The following DDX11 variants were observed in gnomAD, a reference collection of about 807,000 sequenced individuals.
DDX11 encodes the protein DEAD/H-box helicase 11, also known as ATP-dependent DNA helicase DDX11.
DDX11 carries 72 observed loss-of-function variants against 125.2 expected under a neutral mutation model. The ratio of observed to expected loss-of-function variants is 0.58; its 90% CI spans 0.48 to 0.70. The LOEUF (loss-of-function observed/expected upper bound fraction) is 0.70, where lower values mean the gene tolerates loss of function less well. DDX11 is among the 30% of genes least tolerant of loss of function. The probability of loss-of-function intolerance (pLI) is 0.00; values close to 1 mark genes in which losing one functional copy is unlikely to be tolerated. For synonymous variants in DDX11, 347 were observed against 452.6 expected (o/e 0.77, Z 2.96); for missense variants, 883 against 1,165.0 (o/e 0.76, Z 3.52).
chr12:31,095,129 C>T (rs1351685307), intron 14 of DDX11, among the ~76,000 whole-genome samples: 5 of 152,130 alleles, frequency 3.3e-5, no homozygotes, highest in African/African-American at 7.2e-5. Context: ...AGGAATAGGA[C>T]GTTGATTTGT....
intron 5 of DDX11, 21 bp downstream of exon 5, chr12:31,085,147 C>G: frequency 6.4e-7 from 1 of 1,551,562 alleles, no homozygotes; most frequent in African/African-American, 1.4e-5. Context: ...GGCGGTAGCA[C>G]TACCCTGCCC....
intron 6 of DDX11, 43 bp downstream of exon 6, chr12:31,088,026 G>A (rs7309189): frequency 0.48 from 770,315 of 1,599,730 alleles, 192,711 homozygotes; most frequent in East Asian, 0.84. Context: ...GGGGGTATAG[G>A]CTGGGCTGTG....
intron 2 of DDX11, 37 bp downstream of exon 2, chr12:31,078,574 C>G: frequency 1.2e-6 from 2 of 1,611,798 alleles, no homozygotes; most frequent in Non-Finnish European, 1.7e-6. Context: ...AAAAGGACAA[C>G]TTAACAGCAG....
At chr12:31,095,178 G>C (rs1945003477) in intron 14 of DDX11, among the ~76,000 whole-genome samples, 1 of 152,202 alleles carries the variant, frequency 6.6e-6, no homozygotes, top group Non-Finnish European at 1.5e-5. Context: ...CTTGGGCCTT[G>C]GGTCTGGTTG....
At chr12:31,086,016 T>G (rs548274856) in intron 5 of DDX11, 8 of 453,622 alleles carry the variant, frequency 1.8e-5, no homozygotes, top group South Asian at 1.1e-4. Context: ...CTTCACAGTC[T>G]GTCTGCAGGG....
chr12:31,096,233 AC>A, intron 14 of DDX11, 107 bp from the exon 15 acceptor site: 1 of 1,379,524 alleles, frequency 7.2e-7, no homozygotes, highest in African/African-American at 1.5e-5. Flanking sequence ...AGAAGGTAGC[AC>A]TGCGTTGTGC....
chr12:31,103,252 G>A, intron 24 of DDX11, 65 bp from the exon 25 acceptor site: 2 of 1,576,502 alleles, frequency 1.3e-6, no homozygotes, highest in Non-Finnish European at 1.7e-6. Context: ...AGCCTGGCAG[G>A]GTCTTTTCCC....
At chr12:31,086,403 C>T (rs559180884) in intron 5 of DDX11, among the ~76,000 whole-genome samples, 304 of 152,102 alleles carry the variant, frequency 2.0e-3, no homozygotes, top group African/African-American at 6.9e-3. Flanking sequence ...ATCGAGTTGA[C>T]ATGAATGAGC....
Position 31,098,009 on chromosome 12 carries a change from T to C in DDX11, c.1875+12T>C. ...GTACCATGCAGCCGGTAAGGACACCTTTCCCAGCCCCTCGTGCCCCAGGTG... is the reference window on the plus strand; with the variant it reads ...GTACCATGCAGCCGGTAAGGACACCCTTCCCAGCCCCTCGTGCCCCAGGTG... On this transcript the variant is annotated intron_variant, in intron 18 of 26. Transcript: ENST00000542838. 2 of 1,609,034 alleles carry C rather than the reference T, an allele frequency of 1.2e-6. No homozygotes were observed. Among genetic ancestry groups the C allele is most frequent in the South Asian group, 1.1e-5 (1 of 91,022 alleles).
At position 31,085,065 on chromosome 12, in the gene DDX11, G is replaced by A; in HGVS notation, c.577G>A (p.Gly193Arg). ...EAERLEQLES[G>R]EEELVLAEYE... ...TGAGCGGCTGGAGCAGCTGGAGTCT[G>A]GGGAGGAGGAGCTGGTCCTCGCCGA... is the stretch of plus-strand genomic sequence containing the variant. Residue 193 changes from glycine to arginine, a missense_variant, in exon 5 of 27, where the codon GGG (glycine) becomes AGG (arginine). This residue lies in a region of DDX11 where 283 missense variants were observed against 359.6 expected (regional missense o/e 0.79). Coordinates refer to ENST00000542838, the MANE Select transcript of DDX11 (RefSeq NM_030653.4). The A allele has an allele frequency of 6.2e-7, 1 of 1,605,202 alleles. No individual in the cohort carries two copies. The highest frequency in any genetic ancestry group is 8.5e-7 in the Non-Finnish European group (1 of 1,175,582).
At chr12:31,098,406 A>C (rs1231365235) in intron 18 of DDX11, among the ~76,000 whole-genome samples, 4 of 151,316 alleles carry the variant, frequency 2.6e-5, no homozygotes, top group Admixed American at 1.3e-4. Context: ...ATGTGCTGTC[A>C]CTGGAACTTG....
At chr12:31,089,559 A>T (rs1943808663) in intron 8 of DDX11, 69 bp downstream of exon 8, 11 of 1,492,210 alleles carry the variant, frequency 7.4e-6, no homozygotes, top group Non-Finnish European at 1.0e-5. Flanking sequence ...GCAGTGACTG[A>T]AGACCATTAA....
intron 12 of DDX11, 29 bp downstream of exon 12, chr12:31,093,353 G>T (rs370481870): frequency 3.7e-5 from 59 of 1,613,456 alleles, no homozygotes; most frequent in Non-Finnish European, 4.6e-5. Flanking sequence ...TGCTGACCCC[G>T]GGCCTGCAAA....
rs779379970 is a variant in DDX11, at chr12:31,103,384, A to G, written c.2525A>G (p.Asn842Ser). ...GAGAACCTGTGCATGAAGGCCGTCA[A>G]CCAGTCCATAGGTGAGCCTGGCTGC... is the stretch of plus-strand genomic sequence containing the variant. ...LVENLCMKAV[N>S]QSIGRAIRHQ... is the part of the protein sequence containing the mutation. The change falls in exon 25 of 27, where the codon AAC becomes AGC. Residue 842 changes from asparagine to serine, a missense_variant. This residue lies in a region of DDX11 where 285 missense variants were observed against 346.0 expected (regional missense o/e 0.82). Coordinates refer to ENST00000542838, the MANE Select transcript of DDX11 (RefSeq NM_030653.4). 57 of 1,609,406 alleles carry G rather than the reference A, an allele frequency of 3.5e-5. No homozygotes were observed. The highest frequency in any genetic ancestry group is 4.7e-5 in the Non-Finnish European group (55 of 1,178,642).
At chr12:31,083,326 CAAAA>C (rs1565854518) in intron 2 of DDX11, among the ~76,000 whole-genome samples, 1 of 135,564 alleles carries the variant, frequency 7.4e-6, no homozygotes, top group African/African-American at 2.7e-5. Flanking sequence ...AAAAAAAAAA[CAAAA>C]CAAAACACAA....
rs1046458 is a variant in DDX11 at position 31,103,971 on chromosome 12, T to C, written c.*135T>C. 0.5 allele frequency: 780,421 copies of C among 1,559,366 alleles called. 203,691 individuals are homozygous for C. The highest frequency in any genetic ancestry group is 0.84 in the East Asian group (35,752 of 42,444). ...CAGGAGGAGAGTGTGGAGTCCAGAG[T>C]GCTGCCAGGACCCAGGCACAGGCGT... On this transcript the variant is annotated 3_prime_UTR_variant, in exon 27 of 27. Coordinates refer to ENST00000542838, the MANE Select transcript of DDX11 (RefSeq NM_030653.4).
intron 23 of DDX11, 72 bp downstream of exon 23, chr12:31,102,599 T>A (rs1288560545): frequency 1.4e-6 from 2 of 1,426,900 alleles, no homozygotes; most frequent in Non-Finnish European, 2.0e-6. Context: ...GCTGGGCCCC[T>A]GCCTGCTCTC....
intron 1 of DDX11, among the ~76,000 whole-genome samples, chr12:31,075,063 A>G (rs1246796090): frequency 6.6e-6 from 1 of 152,186 alleles, no homozygotes; most frequent in African/African-American, 2.4e-5. Context: ...TCACAACTCT[A>G]ACCTCGTTTT....
At position 31,096,838 on chromosome 12, in the gene DDX11, T is replaced by C. The variant is rs1945333022; in HGVS notation, c.1631-21T>C. On this transcript the variant is annotated intron_variant, in intron 16 of 26. Coordinates refer to ENST00000542838, the MANE Select transcript of DDX11 (RefSeq NM_030653.4). ...TGGACCTGACCAGAGGGAGGCCTCC[T>C]CCCCGTTCTGCTCTGTGCAGCTCTT... 2.5e-6 allele frequency: 4 copies of C among 1,613,992 alleles called. No individual in the cohort carries two copies. The South Asian group carries it at 4.4e-5, about 18-fold the overall frequency.
Sources: gnomAD v4.1 joint callset for allele counts (sites outside exome capture counted in the v4.1 genomes callset) on GRCh38, gnomAD v4.1.1 for gene constraint, gnomAD v4.1.1 regional missense constraint, MANE v1.5 for transcripts, NCBI Gene and HGNC (gene_info 2026-07-23, HGNC 2026-07-21) for gene names.